PTPRO: variants seen among roughly 807,000 people sequenced by gnomAD.
PTPRO encodes the protein protein tyrosine phosphatase receptor type O, also known as receptor-type tyrosine-protein phosphatase O.
A neutral mutation model predicts 145.2 loss-of-function variants in PTPRO; 62 were observed. The ratio of observed to expected loss-of-function variants is 0.43; its 90% CI spans 0.35 to 0.53. The LOEUF (loss-of-function observed/expected upper bound fraction) is 0.53, where lower values mean the gene tolerates loss of function less well. Among genes scored for constraint, PTPRO ranks in the 20% least tolerant of loss-of-function variants. The pLI, the probability that PTPRO is intolerant of heterozygous loss-of-function variation, is 0.01. For synonymous variants in PTPRO, 565 were observed against 514.7 expected, an observed-to-expected ratio of 1.10 and a Z score of -1.32; for missense variants, 1,345 against 1,482.7, an observed-to-expected ratio of 0.91 and a Z score of 1.53.
chr12:15,334,050 T>G (rs530473420), intron 1 of PTPRO, among the ~76,000 whole-genome samples: 1 of 152,194 alleles, frequency 6.6e-6, no homozygotes, highest in Non-Finnish European at 1.5e-5. Flanking sequence ...AATGTGTAAA[T>G]CTTTTTTTCT....
rs574030219 is a variant in PTPRO at position 15,489,875 on chromosome 12, C to G, written c.349+5628C>G. Among the ~76,000 whole-genome samples, 4 of 152,152 alleles carry G rather than the reference C, an allele frequency of 2.6e-5. No homozygotes were observed. The South Asian group carries it at 8.3e-4, about 32-fold the overall frequency. ...TCATTGAAAAATAAAGGAAAATTTG[C>G]CACAAGAATGAAGAAAGGAAAGTGT... On this transcript the variant is annotated intron_variant, in intron 2 of 26. Transcript: ENST00000281171.
At chr12:15,435,744 A>G (rs73305863) in intron 1 of PTPRO, among the ~76,000 whole-genome samples, 3,925 of 152,296 alleles carry the variant, frequency 0.026, 188 homozygotes, top group African/African-American at 0.09. Flanking sequence ...ACCAGGACTT[A>G]GTGAGAAATG....
chr12:15,350,643 A>C (rs2136230493), intron 1 of PTPRO, among the ~76,000 whole-genome samples: 1 of 152,356 alleles, frequency 6.6e-6, no homozygotes, highest in East Asian at 1.9e-4. Context: ...GCTATCAAAT[A>C]TTCTGATACA....
intron 1 of PTPRO, among the ~76,000 whole-genome samples, chr12:15,395,744 G>A (rs1421048341): frequency 6.6e-6 from 1 of 151,956 alleles, no homozygotes; most frequent in Admixed American, 6.6e-5. Flanking sequence ...TATTGCTTTT[G>A]AGGAGACAGC....
intron 1 of PTPRO, among the ~76,000 whole-genome samples, chr12:15,398,278 A>G (rs184847443): frequency 1.5e-4 from 23 of 152,308 alleles, no homozygotes; most frequent in African/African-American, 5.1e-4. Flanking sequence ...CAATCTCTTA[A>G]TATAACTCCC....
chr12:15,322,758 C>G lies in PTPRO; in HGVS notation c.32C>G (p.Ala11Gly), dbSNP rs752232017. The change falls in exon 1 of 27, where the codon GCC becomes GGC. Residue 11 changes from alanine to glycine, a missense_variant. Around this residue, in one of 3 missense-constraint regions of PTPRO, gnomAD observed 1,130 missense variants for 1,214.7 expected, o/e 0.93. Transcript: ENST00000281171. This position sits in a 1 kb window ranked among gnomAD's most constrained non-coding sequence, Gnocchi z 6.3. ...CACCTGCCCACGGGGATACACGGCG[C>G]CCGCCGCCTCCTGCCTCTGCTCTGG... is the stretch of plus-strand genomic sequence containing the variant. Reference protein sequence around the residue: MGHLPTGIHGARRLLPLLWLF... With the variant: MGHLPTGIHGGRRLLPLLWLF... 2.5e-6 allele frequency: 4 copies of G among 1,612,252 alleles called. No individual in the cohort carries two copies. In the Admixed American group the frequency reaches 6.7e-5, roughly 27 times the overall value.
chr12:15,464,732 G>A (rs1469917724), intron 1 of PTPRO, among the ~76,000 whole-genome samples: 1 of 151,914 alleles, frequency 6.6e-6, no homozygotes, highest in African/African-American at 2.4e-5. Context: ...TGTAACCTGT[G>A]TGGATTATTG....
At chr12:15,512,299 G>A (rs1271288439) in intron 7 of PTPRO, among the ~76,000 whole-genome samples, 1 of 151,996 alleles carries the variant, frequency 6.6e-6, no homozygotes, top group Non-Finnish European at 1.5e-5. Context: ...ATTTTTAGTA[G>A]AGACGGGTTT....
At chr12:15,412,366 G>T (rs370504794) in intron 1 of PTPRO, among the ~76,000 whole-genome samples, 1 of 152,204 alleles carries the variant, frequency 6.6e-6, no homozygotes, top group East Asian at 1.9e-4. Context: ...CCCTTAAAAT[G>T]CTGTAAAATA....
At chr12:15,484,271 C>T (rs752699096) in intron 2 of PTPRO, 24 bp downstream of exon 2, 1 of 1,612,084 alleles carries the variant, frequency 6.2e-7, no homozygotes, top group South Asian at 1.1e-5. Context: ...GTAATATTGT[C>T]CCGTTTCTTC....
intron 1 of PTPRO, among the ~76,000 whole-genome samples, chr12:15,390,525 T>G (rs527649643): frequency 1.3e-5 from 2 of 152,188 alleles, no homozygotes; most frequent in African/African-American, 4.8e-5. Context: ...CACCTCCCAG[T>G]GGGTCCCTCC....
At chr12:15,549,262 T>G in intron 14 of PTPRO, 36 bp downstream of exon 14, 1 of 1,493,556 alleles carries the variant, frequency 6.7e-7, no homozygotes, top group Non-Finnish European at 9.0e-7. Flanking sequence ...TTTCTCACTT[T>G]TTTTGAATAT....
At chr12:15,431,996 T>C (rs1321236042) in intron 1 of PTPRO, among the ~76,000 whole-genome samples, 1 of 152,196 alleles carries the variant, frequency 6.6e-6, no homozygotes, top group Non-Finnish European at 1.5e-5. Context: ...TTTGTTTTTG[T>C]TTTTGCTTTT....
chr12:15,360,897 TAC>T lies in PTPRO; in HGVS notation c.75+38104_75+38105del, dbSNP rs1265765771. Among the ~76,000 whole-genome samples the T allele has an allele frequency of 2.9e-4, 41 of 141,176 alleles. 2 individuals are homozygous for T. The highest frequency in any genetic ancestry group is 7.1e-4 in the Admixed American group (10 of 14,126). 92.6% of individuals were successfully genotyped at this position (141,176 alleles called of 152,430 possible). A position where few individuals can be genotyped will look rare whatever the true frequency, so the allele number is the denominator to read the frequency against. ...ATATACACACATACACATGTGTATA[TAC>T]ACACACATATATACACACATGTATA... On this transcript the variant is annotated intron_variant, in intron 1 of 26. Coordinates refer to ENST00000281171, the MANE Select transcript of PTPRO (RefSeq NM_030667.3).
At chr12:15,464,362 G>T (rs1020855447) in intron 1 of PTPRO, among the ~76,000 whole-genome samples, 2 of 150,028 alleles carry the variant, frequency 1.3e-5, no homozygotes, top group Non-Finnish European at 3.0e-5. Context: ...TTTGTTTTGG[G>T]TTTTTTTTTG....
intron 22 of PTPRO, among the ~76,000 whole-genome samples, chr12:15,581,210 T>G (rs188348386): frequency 6.6e-6 from 1 of 152,094 alleles, no homozygotes; most frequent in Non-Finnish European, 1.5e-5. Flanking sequence ...TAGATACCAC[T>G]GGTTTCAAGT....
intron 12 of PTPRO, among the ~76,000 whole-genome samples, chr12:15,527,875 A>AACCCCCCCCCCCCCCCCCCC (rs1942873389): frequency 1.5e-5 from 2 of 137,648 alleles, no homozygotes; most frequent in African/African-American, 2.8e-5. Flanking sequence ...GGGAACTGTG[A>AACCCCCCCCCCCCCCCCCCC]CCCGCCCACG....
At position 15,508,771 on chromosome 12, in the gene PTPRO, A is replaced by G. The variant is rs753379273; in HGVS notation, c.1464+4A>G. Reference sequence around the variant, plus strand: ...TGAAAAGCAGTACTGCACTCAGGTAAAGGAGAGGAAATGAGAATGGGCTCG... The same window carrying G: ...TGAAAAGCAGTACTGCACTCAGGTAGAGGAGAGGAAATGAGAATGGGCTCG... On this transcript the variant is annotated splice_donor_region_variant and intron_variant, in intron 7 of 26. Coordinates refer to ENST00000281171, the MANE Select transcript of PTPRO (RefSeq NM_030667.3). The G allele has an allele frequency of 2.5e-6, 4 of 1,613,712 alleles. No homozygotes were observed. The Admixed American group carries it at 6.7e-5, about 27-fold the overall frequency.
chr12:15,351,888 C>T (rs557863735), intron 1 of PTPRO, among the ~76,000 whole-genome samples: 1 of 152,108 alleles, frequency 6.6e-6, no homozygotes, highest in Non-Finnish European at 1.5e-5. Flanking sequence ...TTTGTATATA[C>T]TGAAACTTTC....
Sources: gnomAD v4.1 joint callset for allele counts (sites outside exome capture counted in the v4.1 genomes callset) on GRCh38, gnomAD v4.1.1 for gene constraint, gnomAD v4.1.1 regional missense constraint, Gnocchi (gnomAD v3.1) non-coding constraint, MANE v1.5 for transcripts, NCBI Gene and HGNC (gene_info 2026-07-23, HGNC 2026-07-21) for gene names.